The following PLEKHG2 variants were observed in gnomAD, a reference collection of about 807,000 sequenced individuals.
The protein encoded by PLEKHG2 is pleckstrin homology and RhoGEF domain containing G2.
Under a neutral mutation model 104.4 loss-of-function variants are expected in PLEKHG2, and 71 were observed. That is an observed-to-expected ratio of 0.68 (90% CI 0.56 to 0.83). The LOEUF (loss-of-function observed/expected upper bound fraction) is 0.83, where lower values mean the gene tolerates loss of function less well. Ranked by LOEUF, PLEKHG2 falls within the 40% of genes least tolerant of loss-of-function variation. The pLI, the probability that PLEKHG2 is intolerant of heterozygous loss-of-function variation, is 0.00. For missense variants in PLEKHG2, 1,730 were observed against 1,809.4 expected (o/e 0.96, Z 0.80); for synonymous variants, 728 against 737.0 (o/e 0.99, Z 0.20).
At position 39,413,854 on chromosome 19, in the gene PLEKHG2, ACT is replaced by A. The variant is rs1370415935; in HGVS notation, c.-22-208_-22-207del. ...AGCTTCTGCGCCTCCTGCTCCGCTC[ACT>A]CTTCTTTGTCTCAGCCTTTCCATCT... On this transcript the variant is annotated intron_variant, in intron 1 of 18. Transcript: ENST00000425673. This position sits in a 1 kb window ranked among gnomAD's most constrained non-coding sequence, Gnocchi z 4.5. 2.6e-6 allele frequency: 1 copy of A among 391,872 alleles called. No individual in the cohort carries two copies. Among genetic ancestry groups the A allele is most frequent in the East Asian group, 4.5e-5 (1 of 22,084 alleles). The allele number at this position is 391,872 out of a possible 1,614,324, so 24.3% of individuals were successfully genotyped here.
Position 39,418,015 on chromosome 19 carries a change from AG to A in PLEKHG2, c.998del (p.Gly333ValfsTer33). 2 of 1,563,956 alleles carry A rather than the reference AG, an allele frequency of 1.3e-6. No individual in the cohort carries two copies. Among genetic ancestry groups the A allele is most frequent in the Admixed American group, 1.9e-5 (1 of 53,216 alleles). On this transcript the variant is annotated frameshift_variant, in exon 9 of 19. Transcript: ENST00000425673. LOFTEE classifies it high-confidence loss of function. ...GCGGAGGGGGTGGCCCCCGGCTACG[AG>A]GGGGTGAGCGGCTGCTCTTCCTGTT... ...GGGGGGPRLR[G>X]GERLLFLFSR...
rs143710274 is a variant in PLEKHG2 at position 39,416,267 on chromosome 19, T to C, written c.480-81T>C. On this transcript the variant is annotated intron_variant, in intron 4 of 18. Transcript: ENST00000425673. This position sits in a 1 kb window ranked among gnomAD's most constrained non-coding sequence, Gnocchi z 4.5. Reference sequence around the variant, plus strand: ...GCAAGCCCCCAGCCCCAGCAGACCATTGGGGCCTCAGCCTCCTGGAGGCCT... The same window carrying C: ...GCAAGCCCCCAGCCCCAGCAGACCACTGGGGCCTCAGCCTCCTGGAGGCCT... 845 of 1,374,318 alleles carry C rather than the reference T, an allele frequency of 6.1e-4. 5 individuals carry two copies. The African/African-American group carries it at 8.2e-3, about 13-fold the overall frequency. 85.1% of individuals were successfully genotyped at this position (1,374,318 alleles called of 1,614,324 possible). A position where few individuals can be genotyped will look rare whatever the true frequency, so the allele number is the denominator to read the frequency against.
At chr19:39,421,587 C>CTGAG (rs912809005) in intron 16 of PLEKHG2, 1 of 481,130 alleles carries the variant, frequency 2.1e-6, no homozygotes, top group Non-Finnish European at 3.8e-6. Context: ...ACTCAGGAGA[C>CTGAG]TGAGGTGGGA....
chr19:39,420,891 C>A, intron 13 of PLEKHG2, 39 bp downstream of exon 13: 1 of 1,614,058 alleles, frequency 6.2e-7, no homozygotes, highest in Non-Finnish European at 8.5e-7. Context: ...CCCTCAGCCC[C>A]ACTTCCCTAG....
Position 39,416,816 on chromosome 19 carries a change from T to C in PLEKHG2, c.594-34T>C, listed in dbSNP as rs1451551540. 3.2e-6 allele frequency: 5 copies of C among 1,553,276 alleles called. No homozygotes were observed. The highest frequency in any genetic ancestry group is 1.9e-5 in the Admixed American group (1 of 53,754). On this transcript the variant is annotated intron_variant, in intron 6 of 18. Coordinates refer to ENST00000425673, the MANE Select transcript of PLEKHG2 (RefSeq NM_022835.3). This position sits in a 1 kb window ranked among gnomAD's most constrained non-coding sequence, Gnocchi z 4.5. ...CCCTCTTGACCCCGCCCACTGGAAC[T>C]GACAATCCCCACTGACCTGTGCTGT...
chr19:39,424,202 C>G lies in PLEKHG2; in HGVS notation c.3069C>G (p.Pro1023=). 1 of 1,614,138 alleles carries G rather than the reference C, an allele frequency of 6.2e-7. No individual in the cohort carries two copies. Among genetic ancestry groups the G allele is most frequent in the East Asian group, 2.2e-5 (1 of 44,880 alleles). The change falls in exon 19 of 19, where the codon CCC becomes CCG. Residue 1023 remains proline, a synonymous_variant. Transcript: ENST00000425673. The stretch of plus-strand genomic sequence containing the variant: ...ACGTTCCCACCACTCCAGCTTTGCC[C>G]AAGGAGATTTGTTCTGATTTCACAG... ...DIHVPTTPAL[P]KEICSDFTVS...
In PLEKHG2 at chr19:39,414,099, G is replaced by A. The variant is rs775873287; in HGVS notation, c.13G>A (p.Ala5Thr). The change falls in exon 2 of 19, where the codon GCC becomes ACC. Residue 5 changes from alanine (A) to threonine (T), a missense_variant. Coordinates refer to ENST00000425673, the MANE Select transcript of PLEKHG2 (RefSeq NM_022835.3). Reference protein sequence around the residue: MPEGAQGLSLSKPSP... With the variant: MPEGTQGLSLSKPSP... ...GGGCCGCTCAGCCATGCCTGAGGGA[G>A]CCCAAGGACTGAGCCTCTCCAAACC... The A allele has an allele frequency of 1.9e-6, 3 of 1,551,374 alleles. No individual in the cohort carries two copies. The East Asian group carries it at 7.3e-5, about 38-fold the overall frequency.
In PLEKHG2 at chr19:39,424,027, A is replaced by G; in HGVS notation, c.2894A>G (p.Gln965Arg). Residue 965 changes from glutamine to arginine, a missense_variant, in exon 19 of 19, where the codon CAG (glutamine) becomes CGG (arginine). Gln to Arg is a conservative substitution (Grantham distance 43). Coordinates refer to ENST00000425673, the MANE Select transcript of PLEKHG2 (RefSeq NM_022835.3). ...LPKQEGPLHL[Q>R]VPALTTFSDQ... ...AAGCAAGAAGGCCCCCTGCACCTCC[A>G]GGTGCCGGCTCTTACAACTTTCTCT... 7 of 1,614,048 alleles carry G rather than the reference A, an allele frequency of 4.3e-6. No individual in the cohort carries two copies. The highest frequency in any genetic ancestry group is 5.9e-6 in the Non-Finnish European group (7 of 1,179,978).
Position 39,416,389 on chromosome 19 carries a change from G to A in PLEKHG2, c.521G>A (p.Gly174Asp). Residue 174 changes from glycine (G) to aspartate (D), a missense_variant, in exon 5 of 19, where the codon GGT becomes GAT. By Grantham distance (94) the Gly-to-Asp change is moderately conservative. Coordinates refer to ENST00000425673, the MANE Select transcript of PLEKHG2 (RefSeq NM_022835.3). The surrounding 1 kb of genome is among the most constrained non-coding windows in gnomAD (Gnocchi z 4.5). Reference protein sequence around the residue: ...EDLENSSSAGGIAECFVQRSE... With the variant: ...EDLENSSSAGDIAECFVQRSE... ...TTGGAGAACAGCAGCAGCGCCGGGG[G>A]TATTGCCGAGTGCTTCGTGCAGAGG... 4 of 1,613,234 alleles carry A rather than the reference G, an allele frequency of 2.5e-6. No individual in the cohort carries two copies. The highest frequency in any genetic ancestry group is 2.5e-6 in the Non-Finnish European group (3 of 1,179,802).
chr19:39,421,491 G>A (rs901056576), intron 16 of PLEKHG2, among the ~76,000 whole-genome samples, 192 bp downstream of exon 16: 1 of 152,086 alleles, frequency 6.6e-6, no homozygotes, highest in Non-Finnish European at 1.5e-5. Flanking sequence ...TTTGAGACCA[G>A]TCTGGGCAAC....
chr19:39,417,509 C>T (rs534454174), intron 7 of PLEKHG2, 46 bp from the exon 8 acceptor site: 55 of 1,598,642 alleles, frequency 3.4e-5, no homozygotes, highest in East Asian at 2.0e-4. Flanking sequence ...CTTTCTCCTT[C>T]TCTGTTTCTC....
chr19:39,415,154 C>A lies in PLEKHG2; in HGVS notation c.272C>A (p.Pro91Gln). Residue 91 changes from proline to glutamine, a missense_variant, in exon 3 of 19, where the codon CCG (proline) becomes CAG (glutamine). Pro to Gln is a moderately conservative substitution (Grantham distance 76). Transcript: ENST00000425673. The surrounding 1 kb of genome is among the most constrained non-coding windows in gnomAD (Gnocchi z 4.6). ...PGPPIRLHLS[P>Q]VGIPGSARPS... ...CCTCCCATCCGCCTACATCTCTCTC[C>A]GGTGGGGATCCCAGGTTCAGCCAGA... 6.3e-7 allele frequency: 1 copy of A among 1,599,296 alleles called. No individual in the cohort carries two copies. The highest frequency in any genetic ancestry group is 1.7e-5 in the Admixed American group (1 of 58,250).
chr19:39,421,166 G>A, intron 15 of PLEKHG2, 53 bp downstream of exon 15: 2 of 1,068,956 alleles, frequency 1.9e-6, no homozygotes, highest in South Asian at 1.2e-5. Context: ...CGCCCGGTGG[G>A]ATGTCTGGGG....
At position 39,415,988 on chromosome 19, in the gene PLEKHG2, C is replaced by A. The variant is rs2078597137; in HGVS notation, c.480-360C>A. Among the ~76,000 whole-genome samples, 1 of 152,144 alleles carries A rather than the reference C, an allele frequency of 6.6e-6. No homozygotes were observed. The stretch of plus-strand genomic sequence containing the variant: ...TGGTTGGTCACTGTGGTAAGGAGGA[C>A]TCTGGGGTCCAAGGATCATGACATT... On this transcript the variant is annotated intron_variant, in intron 4 of 18. Coordinates refer to ENST00000425673, the MANE Select transcript of PLEKHG2 (RefSeq NM_022835.3). The surrounding 1 kb of genome is among the most constrained non-coding windows in gnomAD (Gnocchi z 4.6).
chr19:39,417,590 T>G lies in PLEKHG2; in HGVS notation c.780T>G (p.Thr260=). The change falls in exon 8 of 19, where the codon ACT becomes ACG. Residue 260 remains threonine (T), a synonymous_variant. Transcript: ENST00000425673. ...AGCACTGGGCGGAGGGCCCAGGCAC[T>G]GGGGGTCGCGAGATGGTGGAGGAAG... ...LGKHWAEGPG[T]GGREMVEEAI... The G allele has an allele frequency of 6.2e-7, 1 of 1,614,044 alleles. No individual in the cohort carries two copies. The highest frequency in any genetic ancestry group is 8.5e-7 in the Non-Finnish European group (1 of 1,180,004).
chr19:39,415,246 C>T lies in PLEKHG2; in HGVS notation c.364C>T (p.Arg122Cys), dbSNP rs537016134. The T allele has an allele frequency of 6.3e-6, 10 of 1,589,048 alleles. No individual in the cohort carries two copies. Among genetic ancestry groups the T allele is most frequent in the East Asian group, 4.6e-5 (2 of 43,488 alleles). ...AGAACGGGCCTATGTCAGGGACCTC[C>T]GCAGCATCGTGGAGGTAAGGCGGGC... ...ETERAYVRDLRSIVEDYLGPL... is the reference protein window; with the variant it reads ...ETERAYVRDLCSIVEDYLGPL... Residue 122 changes from arginine (R) to cysteine (C), a missense_variant, in exon 3 of 19, where the codon CGC becomes TGC. Coordinates refer to ENST00000425673, the MANE Select transcript of PLEKHG2 (RefSeq NM_022835.3). This position sits in a 1 kb window ranked among gnomAD's most constrained non-coding sequence, Gnocchi z 4.6.
rs1211984023 is a variant in PLEKHG2, at chr19:39,413,796, C to G, written c.-22-269C>G. ...TGGAGCCCAAACGTTCCCAGGATCC[C>G]TAAGCCTCCGGCCCCAGACAAACGG... On this transcript the variant is annotated intron_variant, in intron 1 of 18. Transcript: ENST00000425673. This position sits in a 1 kb window ranked among gnomAD's most constrained non-coding sequence, Gnocchi z 4.5. 4.4e-6 allele frequency: 1 copy of G among 227,096 alleles called. No individual in the cohort carries two copies. Among genetic ancestry groups the G allele is most frequent in the Non-Finnish European group, 8.9e-6 (1 of 111,772 alleles). The allele number at this position is 227,096 out of a possible 1,614,324, so 14.1% of individuals were successfully genotyped here. A position where few individuals can be genotyped will look rare whatever the true frequency, so the allele number is the denominator to read the frequency against.
At position 39,415,445 on chromosome 19, in the gene PLEKHG2, G is replaced by A. The variant is rs1220606866; in HGVS notation, c.479+6G>A. The A allele has an allele frequency of 3.7e-6, 6 of 1,613,778 alleles. No homozygotes were observed. Among genetic ancestry groups the A allele is most frequent in the Non-Finnish European group, 5.1e-6 (6 of 1,179,936 alleles). On this transcript the variant is annotated splice_donor_region_variant and intron_variant, in intron 4 of 18. Coordinates refer to ENST00000425673, the MANE Select transcript of PLEKHG2 (RefSeq NM_022835.3). The surrounding 1 kb of genome is among the most constrained non-coding windows in gnomAD (Gnocchi z 4.6). ...GACATCTACGAGTTCAGCAGGTCAG[G>A]GGCAGGGGGGACAGGCAGGGGGCAT... is the stretch of plus-strand genomic sequence containing the variant.
chr19:39,419,044 A>G (rs765667281), intron 11 of PLEKHG2, 41 bp downstream of exon 11: 1 of 1,550,906 alleles, frequency 6.4e-7, no homozygotes. Context: ...TGAGTGCTGG[A>G]GACACCCTCC....
Sources: allele counts gnomAD v4.1 joint callset (sites outside exome capture counted in the v4.1 genomes callset), GRCh38; gene constraint gnomAD v4.1.1; non-coding constraint Gnocchi (gnomAD v3.1); transcripts MANE v1.5; gene names NCBI Gene and HGNC (gene_info 2026-07-23, HGNC 2026-07-21).